The following GRAMD4 variants were observed in gnomAD, a reference collection of about 807,000 sequenced individuals.
GRAMD4 encodes the protein GRAM domain-containing protein 4.
In GRAMD4, 25 loss-of-function variants were observed where a neutral mutation model predicts 83.9. That is an observed-to-expected ratio of 0.30 (90% CI 0.22 to 0.42). The LOEUF is 0.42. GRAMD4 is among the 10% of genes least tolerant of loss of function. GRAMD4 has a pLI of 1.00. For missense variants in GRAMD4, 593 were observed against 788.7 expected (o/e 0.75, Z 2.97); for synonymous variants, 336 against 320.9 (o/e 1.05, Z -0.50).
chr22:46,624,790 G>A (rs1191391197), intron 1 of GRAMD4, among the ~76,000 whole-genome samples: 1 of 151,928 alleles, frequency 6.6e-6, no homozygotes, highest in African/African-American at 2.4e-5. Flanking sequence ...CCCCCTCCTG[G>A]GGTCCTCCCA....
chr22:46,625,037 T>G (rs988985172), intron 1 of GRAMD4, among the ~76,000 whole-genome samples: 6 of 152,000 alleles, frequency 3.9e-5, no homozygotes, highest in Admixed American at 3.9e-4. Flanking sequence ...ATTTTTTGTA[T>G]TTTTAGTAGA....
At chr22:46,680,171 C>G (rs917067295), downstream of GRAMD4, among the ~76,000 whole-genome samples, 1 of 152,194 alleles carries the variant, frequency 6.6e-6, no homozygotes, top group African/African-American at 2.4e-5. Flanking sequence ...TTTGGCCCCT[C>G]TCCACTTTGG....
At chr22:46,593,588 A>G (rs372113176) in intron 1 of GRAMD4, among the ~76,000 whole-genome samples, 80 of 152,184 alleles carry the variant, frequency 5.3e-4, no homozygotes, top group African/African-American at 1.7e-3. Context: ...CTTCTAAGGG[A>G]GGAGGCTTGT....
chr22:46,658,360 A>ACCCCCCCCCC, intron 4 of GRAMD4, 53 bp downstream of exon 4: 1 of 797,382 alleles, frequency 1.3e-6, no homozygotes, highest in Non-Finnish European at 1.7e-6. Flanking sequence ...CCAACCCCCC[A>ACCCCCCCCCC]CCCCACCCGC....
chr22:46,625,924 C>T (rs549246253), intron 1 of GRAMD4, among the ~76,000 whole-genome samples: 2 of 152,338 alleles, frequency 1.3e-5, no homozygotes, highest in South Asian at 4.1e-4. Context: ...ACTCGCACCT[C>T]AGTGTGACCA....
At chr22:46,664,176 C>A in intron 8 of GRAMD4, 59 bp downstream of exon 8, 1 of 1,233,484 alleles carries the variant, frequency 8.1e-7, no homozygotes, top group Non-Finnish European at 1.2e-6. Flanking sequence ...CAGCATTCAC[C>A]ACATGATCAG....
chr22:46,585,983 T>C (rs76839260), intron 1 of GRAMD4, among the ~76,000 whole-genome samples: 15,705 of 152,140 alleles, frequency 0.1, 1,057 homozygotes, highest in Middle Eastern at 0.16. Context: ...CTGGCTCCTT[T>C]GTCTGCCCCC....
chr22:46,589,922 C>G (rs1333888644), intron 1 of GRAMD4, among the ~76,000 whole-genome samples: 1 of 152,190 alleles, frequency 6.6e-6, no homozygotes, highest in East Asian at 1.9e-4. Flanking sequence ...AGCTTTCTCC[C>G]TACCCCTTCA....
chr22:46,613,055 C>T (rs1052825077), intron 1 of GRAMD4, among the ~76,000 whole-genome samples: 2 of 152,246 alleles, frequency 1.3e-5, no homozygotes, highest in Non-Finnish European at 2.9e-5. Flanking sequence ...TCCCCACACC[C>T]ACAAGACAGC....
chr22:46,658,963 C>T (rs1279647953), intron 4 of GRAMD4, among the ~76,000 whole-genome samples: 1 of 152,140 alleles, frequency 6.6e-6, no homozygotes, highest in African/African-American at 2.4e-5. Context: ...TGCCCTGCGC[C>T]TCACAGTGCC....
intron 2 of GRAMD4, among the ~76,000 whole-genome samples, chr22:46,632,713 G>C (rs1167477616): frequency 6.6e-6 from 1 of 152,210 alleles, no homozygotes; most frequent in Non-Finnish European, 1.5e-5. Flanking sequence ...TCACCACCCT[G>C]GTATCCAGGT....
chr22:46,640,156 C>T (rs2081954656), intron 3 of GRAMD4, among the ~76,000 whole-genome samples: 1 of 152,248 alleles, frequency 6.6e-6, no homozygotes, highest in African/African-American at 2.4e-5. Context: ...CAGAGGCTGC[C>T]TTATCCGCTG....
At chr22:46,646,708 A>C (rs1213454053) in intron 3 of GRAMD4, among the ~76,000 whole-genome samples, 2 of 151,054 alleles carry the variant, frequency 1.3e-5, no homozygotes, top group Admixed American at 6.6e-5. Context: ...GGCCTTTTAA[A>C]CTCTGCTCTT....
At chr22:46,584,279 T>C (rs2081126184) in intron 1 of GRAMD4, among the ~76,000 whole-genome samples, 1 of 151,982 alleles carries the variant, frequency 6.6e-6, no homozygotes, top group Non-Finnish European at 1.5e-5. Context: ...AGGTGGCGGG[T>C]ACGCTCATCA....
At chr22:46,607,681 A>T (rs946487298) in intron 1 of GRAMD4, among the ~76,000 whole-genome samples, 2 of 152,040 alleles carry the variant, frequency 1.3e-5, no homozygotes, top group African/African-American at 4.8e-5. Context: ...ACGGTTTCCT[A>T]ACTGGTATTT....
At chr22:46,633,919 A>G (rs950807602) in intron 2 of GRAMD4, among the ~76,000 whole-genome samples, 1 of 152,038 alleles carries the variant, frequency 6.6e-6, no homozygotes, top group African/African-American at 2.4e-5. Flanking sequence ...AATTCATGAT[A>G]AGCACTGAGG....
At chr22:46,627,780 C>G (rs2081691026) in intron 2 of GRAMD4, among the ~76,000 whole-genome samples, 2 of 152,250 alleles carry the variant, frequency 1.3e-5, no homozygotes, top group African/African-American at 4.8e-5. Context: ...AGGACAGTGA[C>G]TGTGCGTTGC....
chr22:46,609,690 G>T (rs6008932), intron 1 of GRAMD4, among the ~76,000 whole-genome samples: 1 of 152,328 alleles, frequency 6.6e-6, no homozygotes, highest in South Asian at 2.1e-4. Flanking sequence ...ACTGGATTCC[G>T]CATTGTGGAG....
chr22:46,578,925 AG>A (rs2081071193), intron 1 of GRAMD4, among the ~76,000 whole-genome samples: 1 of 152,236 alleles, frequency 6.6e-6, no homozygotes, highest in Admixed American at 6.5e-5. Flanking sequence ...AGGGAGATGC[AG>A]CTTGGTCCTG....
Sources: allele counts gnomAD v4.1 joint callset (sites outside exome capture counted in the v4.1 genomes callset), GRCh38; gene constraint gnomAD v4.1.1; transcripts MANE v1.5; gene names NCBI Gene and HGNC (gene_info 2026-07-23, HGNC 2026-07-21).